The following TSPAN5 variants were observed in gnomAD, a reference collection of about 807,000 sequenced individuals.
The protein encoded by TSPAN5 is tetraspanin 5.
In TSPAN5, 10 loss-of-function variants were observed where a neutral mutation model predicts 37.1. The ratio of observed to expected loss-of-function variants is 0.27; its 90% CI spans 0.17 to 0.46. The LOEUF is 0.46. TSPAN5 is among the 20% of genes least tolerant of loss of function. The pLI is 1.00. For missense variants in TSPAN5, 195 were observed against 326.6 expected, an observed-to-expected ratio of 0.60 and a Z score of 3.11; for synonymous variants, 110 against 118.9, an observed-to-expected ratio of 0.93 and a Z score of 0.48.
intron 1 of TSPAN5, among the ~76,000 whole-genome samples, chr4:98,509,474 C>T (rs1230067302): frequency 1.3e-5 from 2 of 152,116 alleles, no homozygotes; most frequent in African/African-American, 2.4e-5. Flanking sequence ...CAGACCTTCC[C>T]GAAGCTCTCG....
chr4:98,513,883 TAGATAGATAGA>T (rs1753671410), intron 1 of TSPAN5, among the ~76,000 whole-genome samples: 1 of 151,972 alleles, frequency 6.6e-6, no homozygotes, highest in African/African-American at 2.4e-5. Context: ...GATAGATAGA[TAGATAGATAGA>T]TAGATAGATA....
chr4:98,473,241 AG>A (rs1301151000), intron 7 of TSPAN5, among the ~76,000 whole-genome samples: 1 of 152,174 alleles, frequency 6.6e-6, no homozygotes, highest in African/African-American at 2.4e-5. Context: ...TTAACTTTTG[AG>A]AAACTGCTAA....
At chr4:98,539,830 C>A (rs1167983091) in intron 1 of TSPAN5, among the ~76,000 whole-genome samples, 2 of 152,174 alleles carry the variant, frequency 1.3e-5, no homozygotes, top group Non-Finnish European at 2.9e-5. Flanking sequence ...TTTCTAAGAT[C>A]AGCGTAGAAA....
intron 1 of TSPAN5, among the ~76,000 whole-genome samples, chr4:98,531,223 C>G (rs1754077791): frequency 6.6e-6 from 1 of 152,188 alleles, no homozygotes; most frequent in Admixed American, 6.5e-5. Context: ...CTCCCCTACC[C>G]CCTACCCCAC....
intron 1 of TSPAN5, among the ~76,000 whole-genome samples, chr4:98,512,517 C>T (rs189401428): frequency 2.2e-4 from 34 of 152,266 alleles, no homozygotes; most frequent in Admixed American, 3.9e-4. Context: ...GAAGGACAGC[C>T]GGCAGAGCTG....
chr4:98,630,146 T>C (rs1756707800), intron 1 of TSPAN5, among the ~76,000 whole-genome samples: 1 of 152,126 alleles, frequency 6.6e-6, no homozygotes, highest in African/African-American at 2.4e-5. Flanking sequence ...CCTCTGAGTA[T>C]CTACTAAACA....
At chr4:98,533,950 A>ACAAAAACAAAC (rs1553912220) in intron 1 of TSPAN5, among the ~76,000 whole-genome samples, 2 of 141,378 alleles carry the variant, frequency 1.4e-5, no homozygotes, top group Non-Finnish European at 3.2e-5. Flanking sequence ...AAAAAAAAAA[A>ACAAAAACAAAC]AAAAAAAAAA....
Position 98,638,580 on chromosome 4 carries a change from T to C in TSPAN5, c.81+19566A>G, listed in dbSNP as rs572456419. On this transcript the variant is annotated intron_variant, in intron 1 of 7. Transcript: ENST00000305798. ...TATTATTTTAAAAAATTACAATGGA[T>C]ACAGATGAAGAGATTCACAGGTAAA... is the stretch of plus-strand genomic sequence containing the variant. Among the ~76,000 whole-genome samples the C allele has an allele frequency of 2.0e-5, 3 of 152,352 alleles. No individual in the cohort carries two copies. The South Asian group carries it at 6.2e-4, about 32-fold the overall frequency.
At chr4:98,561,240 G>A (rs936327794) in intron 1 of TSPAN5, among the ~76,000 whole-genome samples, 2 of 152,208 alleles carry the variant, frequency 1.3e-5, no homozygotes, top group African/African-American at 2.4e-5. Flanking sequence ...ACGTGGAAAG[G>A]GCCTGGGCCT....
chr4:98,590,789 C>T (rs564996405), intron 1 of TSPAN5, among the ~76,000 whole-genome samples: 22 of 152,100 alleles, frequency 1.4e-4, no homozygotes, highest in Middle Eastern at 3.5e-3. Flanking sequence ...GTTCTGAACA[C>T]AGGTCAACTG....
At chr4:98,626,676 CCCTT>C (rs1756608684) in intron 1 of TSPAN5, among the ~76,000 whole-genome samples, 1 of 152,156 alleles carries the variant, frequency 6.6e-6, no homozygotes, top group South Asian at 2.1e-4. Context: ...CCTGTTCCTT[CCCTT>C]CCTTGGGGTT....
chr4:98,507,855 T>C, intron 1 of TSPAN5, 127 bp from the exon 2 acceptor site: 1 of 642,052 alleles, frequency 1.6e-6, no homozygotes, highest in Non-Finnish European at 2.6e-6. Flanking sequence ...TGTGAGCACT[T>C]ATCTTTACCA....
intron 1 of TSPAN5, among the ~76,000 whole-genome samples, chr4:98,571,451 CTTTTT>C (rs149449613): frequency 1.4e-4 from 19 of 132,454 alleles, no homozygotes; most frequent in African/African-American, 5.0e-4. Context: ...ACCGTTCTGG[CTTTTT>C]TTTTTTTTTT....
At chr4:98,602,947 G>A (rs1422224818) in intron 1 of TSPAN5, among the ~76,000 whole-genome samples, 1 of 152,190 alleles carries the variant, frequency 6.6e-6, no homozygotes, top group African/African-American at 2.4e-5. Context: ...ATGGCGAGAA[G>A]GTGGCTGTAT....
At chr4:98,546,549 T>C (rs1043540563) in intron 1 of TSPAN5, among the ~76,000 whole-genome samples, 2 of 152,250 alleles carry the variant, frequency 1.3e-5, no homozygotes. Context: ...TATACATATA[T>C]ACATACATAT....
chr4:98,571,710 C>G (rs1176687105), intron 1 of TSPAN5, among the ~76,000 whole-genome samples: 8 of 152,146 alleles, frequency 5.3e-5, no homozygotes, highest in Admixed American at 3.9e-4. Flanking sequence ...GGCTGCTCCT[C>G]TCAGCTGTGT....
intron 2 of TSPAN5, among the ~76,000 whole-genome samples, chr4:98,493,099 C>T (rs1331174632): frequency 6.6e-6 from 1 of 152,124 alleles, no homozygotes; most frequent in Non-Finnish European, 1.5e-5. Flanking sequence ...ATCACTTGAG[C>T]CCACGAGTTG....
chr4:98,624,525 TG>T (rs910248945), intron 1 of TSPAN5, among the ~76,000 whole-genome samples: 1 of 152,216 alleles, frequency 6.6e-6, no homozygotes, highest in African/African-American at 2.4e-5. Flanking sequence ...CTGTGTTTTT[TG>T]TTTGTTTGTT....
chr4:98,489,002 C>T (rs77509297), intron 2 of TSPAN5, among the ~76,000 whole-genome samples: 1,770 of 152,310 alleles, frequency 0.012, 14 homozygotes, highest in South Asian at 0.022. Context: ...GTACCTGAAG[C>T]TTTCAGGTTA....
Sources: gnomAD v4.1 joint callset for allele counts (sites outside exome capture counted in the v4.1 genomes callset) on GRCh38, gnomAD v4.1.1 for gene constraint, MANE v1.5 for transcripts, NCBI Gene and HGNC (gene_info 2026-07-23, HGNC 2026-07-21) for gene names.